Variants in MAPK10 observed in about 807,000 individuals in gnomAD.
The protein encoded by MAPK10 is mitogen-activated protein kinase 10.
In MAPK10, 25 loss-of-function variants were observed where a neutral mutation model predicts 59.3. That is an observed-to-expected ratio of 0.42 (90% CI 0.31 to 0.59). MAPK10 has a LOEUF of 0.59. Among genes scored for constraint, MAPK10 ranks in the 20% least tolerant of loss-of-function variants. The probability of loss-of-function intolerance (pLI) is 0.15; values close to 1 mark genes in which losing one functional copy is unlikely to be tolerated. For synonymous variants in MAPK10, 190 were observed against 200.5 expected (o/e 0.95, Z 0.44); for missense variants, 351 against 568.9 (o/e 0.62, Z 3.90).
intron 3 of MAPK10, among the ~76,000 whole-genome samples, chr4:86,187,986 G>A (rs2078697642): frequency 6.6e-6 from 1 of 152,122 alleles, no homozygotes; most frequent in South Asian, 2.1e-4. Context: ...CCACATGTGA[G>A]TGAGAACATG....
chr4:86,193,450 CCAGA>C (rs1243360546), intron 3 of MAPK10: 1 of 152,376 alleles, frequency 6.6e-6, no homozygotes, highest in East Asian at 1.9e-4. Flanking sequence ...GATGCCCTGC[CCAGA>C]CAGGCAGAAT....
intron 2 of MAPK10, among the ~76,000 whole-genome samples, chr4:86,265,751 C>T (rs2094208441): frequency 6.6e-6 from 1 of 152,092 alleles, no homozygotes; most frequent in Non-Finnish European, 1.5e-5. Flanking sequence ...AAGCACAAAT[C>T]GAGAGCCACA....
At chr4:86,301,905 C>A (rs1238964630) in intron 2 of MAPK10, among the ~76,000 whole-genome samples, 1 of 152,162 alleles carries the variant, frequency 6.6e-6, no homozygotes, top group African/African-American at 2.4e-5. Context: ...AACTGCTTAG[C>A]TTTTTTCTGT....
chr4:86,076,092 C>G (rs1180900402), intron 9 of MAPK10, among the ~76,000 whole-genome samples: 2 of 152,132 alleles, frequency 1.3e-5, no homozygotes, highest in African/African-American at 4.8e-5. Flanking sequence ...GATATAGTCT[C>G]GTGGTGCGCT....
rs116712684 is a variant in MAPK10 at position 86,193,912 on chromosome 4, C to T, written c.66+424G>A. The stretch of plus-strand genomic sequence containing the variant: ...GACACCTGAGGGAACCTGCAGGTTG[C>T]GAAGACCATCGAAAAAGTGTAGCAT... On this transcript the variant is annotated intron_variant, in intron 3 of 13. Coordinates refer to ENST00000641462, the MANE Select transcript of MAPK10 (RefSeq NM_138982.4). The T allele has an allele frequency of 2.9e-3, 499 of 170,890 alleles. 2 individuals are homozygous for T. Among genetic ancestry groups the T allele is most frequent in the African/African-American group, 0.011 (472 of 42,010 alleles). 10.6% of individuals were successfully genotyped at this position (170,890 alleles called of 1,614,324 possible). A position where few individuals can be genotyped will look rare whatever the true frequency, so the allele number is the denominator to read the frequency against.
At chr4:86,179,791 TGAA>T (rs1198036496) in intron 3 of MAPK10, among the ~76,000 whole-genome samples, 1 of 152,058 alleles carries the variant, frequency 6.6e-6, no homozygotes, top group Non-Finnish European at 1.5e-5. Flanking sequence ...GTTATCCATA[TGAA>T]GAAGAATGAA....
At chr4:86,565,687 A>T (rs1761009835) in intron 1 of MAPK10, among the ~76,000 whole-genome samples, 1 of 152,202 alleles carries the variant, frequency 6.6e-6, no homozygotes, top group Non-Finnish European at 1.5e-5. Flanking sequence ...TCAGCCCAGG[A>T]ATAGATTAGA....
In MAPK10 at chr4:86,016,349, A is replaced by T. The variant is rs113879996; in HGVS notation, c.*879T>A. 5 of 152,458 alleles carry T rather than the reference A, an allele frequency of 3.3e-5. No homozygotes were observed. The highest frequency in any genetic ancestry group is 2.9e-5 in the Non-Finnish European group (2 of 68,030). 9.4% of individuals were successfully genotyped at this position (152,458 alleles called of 1,614,324 possible). On this transcript the variant is annotated 3_prime_UTR_variant, in exon 14 of 14. Transcript: ENST00000641462. ...TACCCTCCAGTCTCTCCTACTCTTT[A>T]CTGTCACAGAAAAGACTCTCAGCTT...
intron 2 of MAPK10, among the ~76,000 whole-genome samples, chr4:86,312,135 A>C (rs753874625): frequency 6.6e-6 from 1 of 152,114 alleles, no homozygotes; most frequent in Non-Finnish European, 1.5e-5. Flanking sequence ...GTCCAATCCA[A>C]TTGAGGCATC....
chr4:86,516,350 G>C (rs948394698), intron 1 of MAPK10, among the ~76,000 whole-genome samples: 8 of 152,064 alleles, frequency 5.3e-5, no homozygotes, highest in Non-Finnish European at 8.8e-5. Context: ...ATTTAGTCTT[G>C]CTTTGGATAT....
rs2047017637 is a variant in MAPK10, at chr4:86,067,702, G to A, written c.985+71C>T. Reference sequence around the variant, plus strand: ...AGGGAACAAAGAGAAAGAGATAGAGGTCTCTATACTGTGTGCTTGTTTGGC... The same window carrying A: ...AGGGAACAAAGAGAAAGAGATAGAGATCTCTATACTGTGTGCTTGTTTGGC... On this transcript the variant is annotated intron_variant, in intron 10 of 13. Coordinates refer to ENST00000641462, the MANE Select transcript of MAPK10 (RefSeq NM_138982.4). 11 of 1,229,688 alleles carry A rather than the reference G, an allele frequency of 8.9e-6. No homozygotes were observed. The South Asian group carries it at 1.3e-4, about 14-fold the overall frequency. The allele number at this position is 1,229,688 out of a possible 1,614,324, so 76.2% of individuals were successfully genotyped here. A position where few individuals can be genotyped will look rare whatever the true frequency, so the allele number is the denominator to read the frequency against.
chr4:86,194,278 C>A, intron 3 of MAPK10, 58 bp downstream of exon 3: 1 of 1,303,306 alleles, frequency 7.7e-7, no homozygotes, highest in South Asian at 1.2e-5. Context: ...AATGGTATGT[C>A]AAAGTGGAAA....
intron 9 of MAPK10, among the ~76,000 whole-genome samples, chr4:86,092,620 GATAT>G (rs34886510): frequency 2.5e-3 from 365 of 148,744 alleles, no homozygotes; most frequent in African/African-American, 6.8e-3. Flanking sequence ...ATATATTAGT[GATAT>G]ATATATATAT....
At chr4:86,433,555 C>CTTCTTT (rs1424833074) in intron 1 of MAPK10, among the ~76,000 whole-genome samples, 1 of 97,610 alleles carries the variant, frequency 1.0e-5, no homozygotes, top group African/African-American at 4.0e-5. Flanking sequence ...GGGCCTTCTT[C>CTTCTTT]TTTTTTTTTT....
intron 2 of MAPK10, chr4:86,321,723 C>T (rs1464659490): frequency 6.6e-6 from 1 of 151,666 alleles, no homozygotes; most frequent in Non-Finnish European, 1.5e-5. Flanking sequence ...TACCCTAAAA[C>T]TCAAAGTATA....
chr4:86,238,141 G>A (rs954596933), intron 2 of MAPK10, among the ~76,000 whole-genome samples: 4 of 152,172 alleles, frequency 2.6e-5, no homozygotes, highest in Non-Finnish European at 5.9e-5. Context: ...GTTTGTTGAA[G>A]ATCAGATGGT....
chr4:86,189,147 C>A (rs1190061846), intron 3 of MAPK10, among the ~76,000 whole-genome samples: 1 of 152,088 alleles, frequency 6.6e-6, no homozygotes, highest in Non-Finnish European at 1.5e-5. Context: ...GTTACTGTAG[C>A]CTTGTAATAT....
Position 86,171,985 on chromosome 4 carries a change from A to T in MAPK10, c.67-12518T>A, listed in dbSNP as rs551326620. On this transcript the variant is annotated intron_variant, in intron 3 of 13. Transcript: ENST00000641462. ...GACACATGAAAAAATGCTCATCATC[A>T]CTGGCCATCAGAGAAATGCAAATCA... 4.1e-3 allele frequency among the ~76,000 whole-genome samples: 615 copies of T among 148,352 alleles called. 2 individuals carry two copies. The highest frequency in any genetic ancestry group is 0.015 in the African/African-American group (570 of 38,642).
intron 9 of MAPK10, chr4:86,089,213 G>A (rs770310514): frequency 1.2e-6 from 2 of 1,611,520 alleles, no homozygotes; most frequent in Non-Finnish European, 1.7e-6. Flanking sequence ...TACGATCAGT[G>A]CCAGGAAACA....
Sources: allele counts gnomAD v4.1 joint callset (sites outside exome capture counted in the v4.1 genomes callset), GRCh38; gene constraint gnomAD v4.1.1; transcripts MANE v1.5; gene names NCBI Gene and HGNC (gene_info 2026-07-23, HGNC 2026-07-21).